HCN1: variants seen among roughly 807,000 people sequenced by gnomAD.
HCN1 encodes the protein potassium/sodium hyperpolarization-activated cyclic nucleotide-gated channel 1.
HCN1 carries 13 observed loss-of-function variants against 78.9 expected under a neutral mutation model. The observed-to-expected ratio is 0.16, with a 90% CI of 0.11 to 0.26. The LOEUF (loss-of-function observed/expected upper bound fraction) is 0.26. Among genes scored for constraint, HCN1 ranks in the 10% least tolerant of loss-of-function variants. The probability of loss-of-function intolerance (pLI) is 1.00; values close to 1 mark genes in which losing one functional copy is unlikely to be tolerated. For missense variants in HCN1, 810 were observed against 1,154.3 expected, an observed-to-expected ratio of 0.70 and a Z score of 4.32; for synonymous variants, 552 against 455.5, an observed-to-expected ratio of 1.21 and a Z score of -2.70.
intron 1 of HCN1, among the ~76,000 whole-genome samples, chr5:45,664,484 A>G (rs574699009): frequency 1.3e-5 from 2 of 150,626 alleles, no homozygotes; most frequent in South Asian, 4.2e-4. Flanking sequence ...AAAAAAAAAA[A>G]AGAAACTACC....
rs1239313304 is a variant in HCN1, at chr5:45,396,644, C to A, written c.1078G>T (p.Gly360Trp). Residue 360 changes from glycine to tryptophan, a missense_variant, in exon 4 of 8, where the codon GGG (glycine) becomes TGG (tryptophan). Gly to Trp is a radical substitution (Grantham distance 184, BLOSUM62 -2). This residue lies in a region of HCN1 where 104 missense variants were observed against 402.8 expected (regional missense o/e 0.26). Coordinates refer to ENST00000303230, the MANE Select transcript of HCN1 (RefSeq NM_021072.4). The part of the protein sequence containing the change: ...FKAMSHMLCI[G>W]YGAQAPVSMS... ...CTGACTGGGGCTTGGGCTCCATACC[C>A]AATGCACAGCATGTGACTCATAGCT... 6.2e-7 allele frequency: 1 copy of A among 1,613,882 alleles called. No individual in the cohort carries two copies.
At chr5:45,313,359 C>T (rs564873792) in intron 5 of HCN1, among the ~76,000 whole-genome samples, 2 of 152,242 alleles carry the variant, frequency 1.3e-5, no homozygotes, top group African/African-American at 2.4e-5. Context: ...ACCAAAACCC[C>T]ATCTGTACGT....
chr5:45,544,784 C>A (rs951313750), intron 2 of HCN1, among the ~76,000 whole-genome samples: 17 of 152,012 alleles, frequency 1.1e-4, no homozygotes, highest in Non-Finnish European at 1.6e-4. Context: ...TGAACTCATC[C>A]TTTTTCATGA....
At chr5:45,659,992 C>T (rs1232338233) in intron 1 of HCN1, among the ~76,000 whole-genome samples, 1 of 144,244 alleles carries the variant, frequency 6.9e-6, no homozygotes, top group Non-Finnish European at 1.5e-5. Flanking sequence ...AACTCCAAGA[C>T]ACATAATTGT....
intron 3 of HCN1, among the ~76,000 whole-genome samples, chr5:45,429,177 A>G (rs1052849588): frequency 6.6e-6 from 1 of 152,214 alleles, no homozygotes; most frequent in Non-Finnish European, 1.5e-5. Flanking sequence ...AATGATGGCA[A>G]TGACAATCTC....
intron 5 of HCN1, 51 bp from the exon 6 acceptor site, chr5:45,303,890 G>C: frequency 6.6e-7 from 1 of 1,504,282 alleles, no homozygotes; most frequent in Admixed American, 1.7e-5. Flanking sequence ...AATCATATCT[G>C]GAAGAAAAAC....
chr5:45,488,592 T>C (rs1741817735), intron 2 of HCN1, among the ~76,000 whole-genome samples: 1 of 152,124 alleles, frequency 6.6e-6, no homozygotes, highest in Non-Finnish European at 1.5e-5. Flanking sequence ...TGAAATGCTC[T>C]AAAGAGCTGC....
At chr5:45,300,020 G>T (rs185798793) in intron 6 of HCN1, among the ~76,000 whole-genome samples, 1 of 152,074 alleles carries the variant, frequency 6.6e-6, no homozygotes, top group East Asian at 1.9e-4. Context: ...TGTACTAATA[G>T]TTTAACCCAC....
rs1743814177 is a variant in HCN1, at chr5:45,570,923, A to T, written c.849+74262T>A. Reference sequence around the variant, plus strand: ...GACAAGTATATTTTTCTATTCTATCATGCTCATATTTCATACTATTAAAAT... The same window carrying T: ...GACAAGTATATTTTTCTATTCTATCTTGCTCATATTTCATACTATTAAAAT... On this transcript the variant is annotated intron_variant, in intron 2 of 7. Coordinates refer to ENST00000303230, the MANE Select transcript of HCN1 (RefSeq NM_021072.4). 2.6e-5 allele frequency among the ~76,000 whole-genome samples: 4 copies of T among 152,110 alleles called. No homozygotes were observed. The South Asian group carries it at 8.3e-4, about 31-fold the overall frequency.
At chr5:45,393,774 A>AAG (rs1739631155) in intron 4 of HCN1, among the ~76,000 whole-genome samples, 1 of 152,204 alleles carries the variant, frequency 6.6e-6, no homozygotes, top group South Asian at 2.1e-4. Flanking sequence ...GTCTAAAAAG[A>AAG]TGCTAAGTAA....
At chr5:45,688,739 A>G (rs1739853402) in intron 1 of HCN1, among the ~76,000 whole-genome samples, 1 of 152,140 alleles carries the variant, frequency 6.6e-6, no homozygotes, top group South Asian at 2.1e-4. Flanking sequence ...TCAGATGTCC[A>G]TCAACTGATA....
intron 1 of HCN1, among the ~76,000 whole-genome samples, chr5:45,675,193 G>A (rs903204215): frequency 6.6e-6 from 1 of 151,518 alleles, no homozygotes; most frequent in Non-Finnish European, 1.5e-5. Flanking sequence ...ATCTTATATC[G>A]AGTCTGATAG....
intron 2 of HCN1, among the ~76,000 whole-genome samples, chr5:45,510,897 T>A (rs192462069): frequency 1.3e-5 from 2 of 152,174 alleles, no homozygotes; most frequent in Admixed American, 6.6e-5. Flanking sequence ...GGTGTCCATA[T>A]CCAGTTAATA....
At chr5:45,295,803 C>T (rs1180335078) in intron 6 of HCN1, among the ~76,000 whole-genome samples, 1 of 151,912 alleles carries the variant, frequency 6.6e-6, no homozygotes, top group Non-Finnish European at 1.5e-5. Flanking sequence ...ACTTGTCATG[C>T]TCAACTTATA....
intron 1 of HCN1, among the ~76,000 whole-genome samples, chr5:45,671,899 T>C (rs545385652): frequency 4.0e-5 from 6 of 151,568 alleles, no homozygotes; most frequent in Non-Finnish European, 7.4e-5. Flanking sequence ...TTGCAGATAA[T>C]AGGGTTTCTT....
chr5:45,639,567 T>C (rs1278022309), intron 2 of HCN1, among the ~76,000 whole-genome samples: 1 of 152,170 alleles, frequency 6.6e-6, no homozygotes, highest in African/African-American at 2.4e-5. Context: ...CATACCATCA[T>C]AAAAATTGAA....
At chr5:45,457,988 G>C (rs1262735399) in intron 3 of HCN1, among the ~76,000 whole-genome samples, 1 of 152,102 alleles carries the variant, frequency 6.6e-6, no homozygotes, top group African/African-American at 2.4e-5. Flanking sequence ...GCGACGGTTA[G>C]TGATTGACTT....
rs1277696043 is a variant in HCN1 at position 45,353,127 on chromosome 5, G to T, written c.1350C>A (p.Leu450=). 5.0e-6 allele frequency: 8 copies of T among 1,611,046 alleles called. No homozygotes were observed. Among genetic ancestry groups the T allele is most frequent in the Non-Finnish European group, 6.8e-6 (8 of 1,178,176 alleles). Residue 450 remains leucine (L), a synonymous_variant, in exon 5 of 8, where the codon CTC becomes CTA. Coordinates refer to ENST00000303230, the MANE Select transcript of HCN1 (RefSeq NM_021072.4). The stretch of plus-strand genomic sequence containing the variant: ...CTCTCAGAGGATCATTGAGTTCATT[G>T]AGAATATTTTCCTCATCAAAGATTT... The part of the protein sequence containing the change: ...QGKIFDEENI[L]NELNDPLREE...
chr5:45,339,704 A>G (rs1370342404), intron 5 of HCN1, among the ~76,000 whole-genome samples: 3 of 152,186 alleles, frequency 2.0e-5, no homozygotes, highest in Admixed American at 6.5e-5. Flanking sequence ...AAGTTGTGAC[A>G]GATGTTGAGG....
Sources: gnomAD v4.1 joint callset for allele counts (sites outside exome capture counted in the v4.1 genomes callset) on GRCh38, gnomAD v4.1.1 for gene constraint, gnomAD v4.1.1 regional missense constraint, MANE v1.5 for transcripts, NCBI Gene and HGNC (gene_info 2026-07-23, HGNC 2026-07-21) for gene names.